Variants in PIWIL4 observed in about 807,000 individuals in gnomAD.
PIWIL4 encodes the protein piwi-like protein 4.
A neutral mutation model predicts 100.9 loss-of-function variants in PIWIL4; 50 were observed. The observed-to-expected ratio is 0.50, with a 90% CI of 0.39 to 0.63. PIWIL4 has a LOEUF of 0.63. Among genes scored for constraint, PIWIL4 ranks in the 20% least tolerant of loss-of-function variants. The probability of loss-of-function intolerance (pLI) is 0.00; values close to 1 mark genes in which losing one functional copy is unlikely to be tolerated. For synonymous variants in PIWIL4, 342 were observed against 367.5 expected (o/e 0.93, Z 0.79); for missense variants, 887 against 1,043.3 (o/e 0.85, Z 2.06).
In PIWIL4 at chr11:94,581,637, C is replaced by G. The variant is rs1591781104; in HGVS notation, c.514-1811C>G. Among the ~76,000 whole-genome samples the G allele has an allele frequency of 2.0e-5, 3 of 152,218 alleles. No homozygotes were observed. In the East Asian group the frequency reaches 5.8e-4, roughly 29 times the overall value. ...TGATCACATCCTATTGAATGGTTTA[C>G]AGAAGGAGGTGGGAAGAGTAGTAAA... On this transcript the variant is annotated intron_variant, in intron 4 of 19. Coordinates refer to ENST00000299001, the MANE Select transcript of PIWIL4 (RefSeq NM_152431.3).
At chr11:94,605,972 C>T (rs536710350) in intron 13 of PIWIL4, among the ~76,000 whole-genome samples, 32 of 152,256 alleles carry the variant, frequency 2.1e-4, no homozygotes, top group African/African-American at 6.7e-4. Context: ...GTTGCTTCCC[C>T]GCCCTGGAAT....
At position 94,607,617 on chromosome 11, in the gene PIWIL4, A is replaced by G. The variant is rs1007931898; in HGVS notation, c.1817A>G (p.Glu606Gly). ...CAGATGACTTGCAAGCTCGGAGGCG[A>G]GCTGTGGGCTGTGGAAATACCTGTA... is the stretch of plus-strand genomic sequence containing the variant. Reference protein sequence around the residue: ...AMQMTCKLGGELWAVEIPLKS... With the variant: ...AMQMTCKLGGGLWAVEIPLKS... The change falls in exon 14 of 20, where the codon GAG becomes GGG. Residue 606 changes from glutamate (E) to glycine (G), a missense_variant. By Grantham distance (98) the Glu-to-Gly change is moderately conservative. Transcript: ENST00000299001. 2 of 1,614,016 alleles carry G rather than the reference A, an allele frequency of 1.2e-6. No individual in the cohort carries two copies. Among genetic ancestry groups the G allele is most frequent in the Non-Finnish European group, 1.7e-6 (2 of 1,179,984 alleles).
chr11:94,605,148 T>G (rs1452228602), intron 13 of PIWIL4, among the ~76,000 whole-genome samples: 1 of 152,224 alleles, frequency 6.6e-6, no homozygotes, highest in Non-Finnish European at 1.5e-5. Context: ...GTCTCTATCT[T>G]ACAGAAGCAT....
At chr11:94,587,965 T>C (rs1168502070) in intron 7 of PIWIL4, among the ~76,000 whole-genome samples, 1 of 152,174 alleles carries the variant, frequency 6.6e-6, no homozygotes, top group Non-Finnish European at 1.5e-5. Flanking sequence ...AAATTTTTTA[T>C]TTTAAGTTTT....
intron 4 of PIWIL4, among the ~76,000 whole-genome samples, chr11:94,581,538 CAG>C (rs1418645947): frequency 2.6e-5 from 4 of 152,176 alleles, no homozygotes; most frequent in Non-Finnish European, 5.9e-5. Flanking sequence ...TGCCAAGGAA[CAG>C]AGACTCTTCC....
At chr11:94,587,539 G>C (rs1948419199) in intron 7 of PIWIL4, among the ~76,000 whole-genome samples, 1 of 152,200 alleles carries the variant, frequency 6.6e-6, no homozygotes, top group Non-Finnish European at 1.5e-5. Context: ...GTTCAATTCA[G>C]TTCACTTCAG....
intron 4 of PIWIL4, among the ~76,000 whole-genome samples, chr11:94,580,890 CTTTTTTTTTTT>C (rs956802836): frequency 1.3e-5 from 1 of 78,970 alleles, no homozygotes; most frequent in Non-Finnish European, 2.3e-5. Context: ...CTCTGCCAGG[CTTTTTTTTTTT>C]TTTTTTTTTT....
chr11:94,578,815 A>ATT (rs945099999), intron 4 of PIWIL4, among the ~76,000 whole-genome samples: 4 of 152,106 alleles, frequency 2.6e-5, no homozygotes, highest in Non-Finnish European at 5.9e-5. Context: ...CATAATACAT[A>ATT]TTTTCCATGA....
chr11:94,574,451 T>C (rs1948208664), intron 2 of PIWIL4, among the ~76,000 whole-genome samples: 1 of 152,196 alleles, frequency 6.6e-6, no homozygotes, highest in African/African-American at 2.4e-5. Context: ...GCTTTCTCCT[T>C]AGCCAAGAAG....
intron 10 of PIWIL4, 22 bp downstream of exon 10, chr11:94,595,448 C>T: frequency 1.3e-6 from 2 of 1,586,352 alleles, no homozygotes; most frequent in African/African-American, 1.3e-5. Context: ...CCGCATGCAT[C>T]CTTCCTGGGG....
chr11:94,618,104 C>T lies in PIWIL4; in HGVS notation c.2165C>T (p.Thr722Ile). The T allele has an allele frequency of 6.4e-7, 1 of 1,563,028 alleles. No individual in the cohort carries two copies. Among genetic ancestry groups the T allele is most frequent in the Admixed American group, 1.9e-5 (1 of 53,832 alleles). The change falls in exon 17 of 20, where the codon ACC (threonine) becomes ATC (isoleucine). Residue 722 changes from threonine to isoleucine, a missense_variant. Transcript: ENST00000299001. ...LSSVAESSSNTSSRLSVIVVR... is the reference protein window; with the variant it reads ...LSSVAESSSNISSRLSVIVVR... Reference sequence around the variant, plus strand: ...AGTGTGGCAGAATCCAGCTCAAATACCAGGTATTCAATTATTGTTCTTTCC... The same window carrying T: ...AGTGTGGCAGAATCCAGCTCAAATATCAGGTATTCAATTATTGTTCTTTCC...
At position 94,582,468 on chromosome 11, in the gene PIWIL4, A is replaced by C. The variant is rs145635959; in HGVS notation, c.514-980A>C. ...GTTCCTGCCTTACATTCTTGATGCA[A>C]TCTAAAAGTGGTTACAACCATACTG... On this transcript the variant is annotated intron_variant, in intron 4 of 19. Transcript: ENST00000299001. Among the ~76,000 whole-genome samples the C allele has an allele frequency of 6.8e-3, 1,040 of 152,310 alleles. 15 individuals are homozygous for C. Among genetic ancestry groups the C allele is most frequent in the African/African-American group, 0.023 (973 of 41,570 alleles).
intron 2 of PIWIL4, among the ~76,000 whole-genome samples, chr11:94,572,316 G>T (rs1287420240): frequency 6.6e-6 from 1 of 152,064 alleles, no homozygotes; most frequent in Non-Finnish European, 1.5e-5. Context: ...GTCAATTTTG[G>T]CTTTTGTTGC....
At chr11:94,616,909 G>A (rs1948854336) in intron 16 of PIWIL4, among the ~76,000 whole-genome samples, 1 of 151,826 alleles carries the variant, frequency 6.6e-6, no homozygotes, top group South Asian at 2.1e-4. Context: ...TAGGAGGGAA[G>A]CCTATAGGGC....
intron 5 of PIWIL4, 27 bp from the exon 6 acceptor site, chr11:94,585,418 C>T: frequency 6.4e-7 from 1 of 1,555,920 alleles, no homozygotes; most frequent in Non-Finnish European, 8.8e-7. Context: ...TGATATTTAC[C>T]AAAAATTCAA....
At chr11:94,606,390 T>A (rs1369864779) in intron 13 of PIWIL4, among the ~76,000 whole-genome samples, 1 of 152,224 alleles carries the variant, frequency 6.6e-6, no homozygotes, top group African/African-American at 2.4e-5. Flanking sequence ...TTTAAATAAT[T>A]CTATAGGTGG....
chr11:94,581,968 A>ATAT (rs1948325786), intron 4 of PIWIL4, among the ~76,000 whole-genome samples: 1 of 152,186 alleles, frequency 6.6e-6, no homozygotes, highest in Non-Finnish European at 1.5e-5. Flanking sequence ...CCTGGTGTAG[A>ATAT]TACAATAAGA....
chr11:94,569,877 G>A (rs1168150872), intron 2 of PIWIL4, among the ~76,000 whole-genome samples: 1 of 152,020 alleles, frequency 6.6e-6, no homozygotes, highest in Non-Finnish European at 1.5e-5. Context: ...TTCAGATGAT[G>A]GTTACACTAA....
intron 2 of PIWIL4, among the ~76,000 whole-genome samples, chr11:94,571,110 C>T (rs1189055381): frequency 4.6e-5 from 7 of 152,004 alleles, no homozygotes; most frequent in African/African-American, 1.7e-4. Flanking sequence ...GTGTATGTAC[C>T]CCTGTGATCC....
Sources: allele counts gnomAD v4.1 joint callset (sites outside exome capture counted in the v4.1 genomes callset), GRCh38; gene constraint gnomAD v4.1.1; transcripts MANE v1.5; gene names NCBI Gene and HGNC (gene_info 2026-07-23, HGNC 2026-07-21).